The following NUMA1 variants were observed in gnomAD, a reference collection of about 807,000 sequenced individuals.
NUMA1 encodes the protein nuclear mitotic apparatus protein 1.
A neutral mutation model predicts 237.1 loss-of-function variants in NUMA1; 62 were observed. The observed-to-expected ratio is 0.26, with a 90% confidence interval of 0.21 to 0.32. NUMA1 has a LOEUF of 0.32. NUMA1 is among the 10% of genes least tolerant of loss of function. NUMA1 has a pLI of 1.00. For synonymous variants in NUMA1, 1,028 were observed against 1,066.1 expected (o/e 0.96, Z 0.70); for missense variants, 2,533 against 2,666.5 (o/e 0.95, Z 1.10).
intron 2 of NUMA1, among the ~76,000 whole-genome samples, chr11:72,052,834 T>C (rs1305371246): frequency 6.6e-6 from 1 of 151,368 alleles, no homozygotes; most frequent in Non-Finnish European, 1.5e-5. Flanking sequence ...TAAGAAATTG[T>C]AGGTGATGAG....
intron 2 of NUMA1, among the ~76,000 whole-genome samples, chr11:72,051,707 C>T (rs1301074989): frequency 6.6e-6 from 1 of 152,114 alleles, no homozygotes; most frequent in African/African-American, 2.4e-5. Context: ...TGAGCTCAAG[C>T]GATCAGCCCA....
At chr11:72,031,992 GAGAGAA>G (rs1565248616) in intron 3 of NUMA1, among the ~76,000 whole-genome samples, 2 of 22,804 alleles carry the variant, frequency 8.8e-5, no homozygotes, top group Non-Finnish European at 4.5e-4. Context: ...AAAAAAAAGA[GAGAGAA>G]AGGAAAAATA....
At chr11:72,058,173 A>C (rs1942765447) in intron 2 of NUMA1, among the ~76,000 whole-genome samples, 1 of 152,242 alleles carries the variant, frequency 6.6e-6, no homozygotes, top group Non-Finnish European at 1.5e-5. Flanking sequence ...AAACCAGTGA[A>C]GCAATACAAA....
intron 2 of NUMA1, among the ~76,000 whole-genome samples, chr11:72,038,982 G>A (rs564607663): frequency 1.9e-4 from 29 of 152,234 alleles, no homozygotes; most frequent in Admixed American, 5.2e-4. Flanking sequence ...AAGCAGTTGC[G>A]TTATAAACTT....
At chr11:72,017,017 C>G in intron 13 of NUMA1, 1 of 158,278 alleles carries the variant, frequency 6.3e-6, no homozygotes, top group Admixed American at 6.2e-5. Context: ...GAGTCTCGCT[C>G]TATCGCCTAG....
rs1955372842 is a variant in NUMA1 at position 72,003,110 on chromosome 11, G to C, written c.*417C>G. ...TCAGACCCAGTCCTGGACTTCAAGA[G>C]TGAGGGCCCCTGCTGGGCCCAGCCA... is the stretch of plus-strand genomic sequence containing the variant. On this transcript the variant is annotated 3_prime_UTR_variant, in exon 27 of 27. Transcript: ENST00000393695. The C allele has an allele frequency of 3.8e-6, 1 of 266,262 alleles. No homozygotes were observed. The highest frequency in any genetic ancestry group is 7.3e-6 in the Non-Finnish European group (1 of 137,864). 16.5% of individuals were successfully genotyped at this position (266,262 alleles called of 1,614,324 possible).
chr11:72,076,416 G>C (rs1943710787), intron 1 of NUMA1, among the ~76,000 whole-genome samples: 1 of 152,080 alleles, frequency 6.6e-6, no homozygotes, highest in Non-Finnish European at 1.5e-5. Context: ...CTAGGAAGCA[G>C]ACATTAATAT....
chr11:72,033,942 G>A (rs1250724179), intron 3 of NUMA1, among the ~76,000 whole-genome samples: 1 of 152,024 alleles, frequency 6.6e-6, no homozygotes, highest in Non-Finnish European at 1.5e-5. Flanking sequence ...AACTTAGCAA[G>A]ACCCCATCTC....
rs1429662681 is a variant in NUMA1 at position 72,007,093 on chromosome 11, C to T, written c.5463+96G>A. On this transcript the variant is annotated intron_variant, in intron 21 of 26. Coordinates refer to ENST00000393695, the MANE Select transcript of NUMA1 (RefSeq NM_006185.4). ...CCCACTGTAACATGGACTGGCTGCT[C>T]ATCCCTCCCTGCTCCTGACTGAGTG... 5 of 1,448,432 alleles carry T rather than the reference C, an allele frequency of 3.5e-6. No individual in the cohort carries two copies. The African/African-American group carries it at 7.0e-5, about 20-fold the overall frequency. The allele number at this position is 1,448,432 out of a possible 1,614,324, so 89.7% of individuals were successfully genotyped here.
In NUMA1 at chr11:72,014,113, G is replaced by C. The variant is rs548173138; in HGVS notation, c.3390C>G (p.Ser1130Arg). The change falls in exon 15 of 27, where the codon AGC (serine) becomes AGG (arginine). Residue 1130 changes from serine to arginine, a missense_variant. Physicochemically the swap from Ser to Arg is moderately radical, Grantham distance 110 (BLOSUM62 -1). This residue lies in a region of NUMA1 where 1,414 missense variants were observed against 1,508.1 expected (regional missense o/e 0.94). Coordinates refer to ENST00000393695, the MANE Select transcript of NUMA1 (RefSeq NM_006185.4). The surrounding 1 kb of genome is among the most constrained non-coding windows in gnomAD (Gnocchi z 4.6). ...PKLEALRAEV[S>R]KLEQQCQKQQ... ...GCTTCTGGCATTGCTGTTCCAGCTT[G>C]CTCACCTCTGCCCGCAGTGCCTCCA... The C allele has an allele frequency of 6.2e-7, 1 of 1,611,728 alleles. No homozygotes were observed. Among genetic ancestry groups the C allele is most frequent in the East Asian group, 2.2e-5 (1 of 44,874 alleles).
Position 72,015,620 on chromosome 11 carries a change from T to A in NUMA1, c.1883A>T (p.Asn628Ile). Residue 628 changes from asparagine (N) to isoleucine (I), a missense_variant, in exon 15 of 27, where the codon AAT becomes ATT. Around this residue, in one of 3 missense-constraint regions of NUMA1, gnomAD observed 1,414 missense variants for 1,508.1 expected, o/e 0.94. Transcript: ENST00000393695. The surrounding 1 kb of genome is among the most constrained non-coding windows in gnomAD (Gnocchi z 4.0). ...EILQQQLQVA[N>I]EARDSAQTSV... ...GGTCTGGGCACTGTCCCGGGCTTCA[T>A]TAGCCACCTGAAGTTGCTGCTGCAG... 6.2e-7 allele frequency: 1 copy of A among 1,613,786 alleles called. No homozygotes were observed. Among genetic ancestry groups the A allele is most frequent in the Non-Finnish European group, 8.5e-7 (1 of 1,180,030 alleles).
chr11:72,022,523 T>C, intron 6 of NUMA1, 104 bp from the exon 7 acceptor site: 1 of 714,304 alleles, frequency 1.4e-6, no homozygotes, highest in Non-Finnish European at 2.4e-6. Flanking sequence ...GTGACTCTTC[T>C]AAAAGTCCTG....
intron 2 of NUMA1, among the ~76,000 whole-genome samples, chr11:72,056,128 G>A (rs932465544): frequency 1.3e-5 from 2 of 151,954 alleles, no homozygotes; most frequent in South Asian, 2.1e-4. Flanking sequence ...CAGCCTGGGT[G>A]ACAGAGTGAG....
At chr11:72,037,047 T>C (rs944570256) in intron 2 of NUMA1, among the ~76,000 whole-genome samples, 4 of 152,152 alleles carry the variant, frequency 2.6e-5, no homozygotes, top group Non-Finnish European at 5.9e-5. Context: ...TGTATGCAAG[T>C]TGGGGATAAA....
At chr11:72,007,116 G>C (rs1001584822) in intron 21 of NUMA1, 73 bp downstream of exon 21, 1 of 1,553,992 alleles carries the variant, frequency 6.4e-7, no homozygotes, top group Non-Finnish European at 8.7e-7. Flanking sequence ...TCCTGACTGA[G>C]TGCCCAGTGC....
Position 72,015,375 on chromosome 11 carries a change from A to G in NUMA1, c.2128T>C (p.Ser710Pro). Residue 710 changes from serine to proline, a missense_variant, in exon 15 of 27, where the codon TCC becomes CCC. By Grantham distance (74) the Ser-to-Pro change is moderately conservative (BLOSUM62 -1). This residue lies in a region of NUMA1 where 1,414 missense variants were observed against 1,508.1 expected (regional missense o/e 0.94). Coordinates refer to ENST00000393695, the MANE Select transcript of NUMA1 (RefSeq NM_006185.4). This position sits in a 1 kb window ranked among gnomAD's most constrained non-coding sequence, Gnocchi z 4.0. ...AGGCTGCCCTTGGTGACCTTCAAGG[A>G]CTCTTTGAGGGCCTGGAGCTGCTCC... ...LQEQLQALKE[S>P]LKVTKGSLEE... 1 of 1,612,164 alleles carries G rather than the reference A, an allele frequency of 6.2e-7. No homozygotes were observed. The highest frequency in any genetic ancestry group is 8.5e-7 in the Non-Finnish European group (1 of 1,179,926).
chr11:72,044,255 A>T (rs993739424), intron 2 of NUMA1, among the ~76,000 whole-genome samples: 7 of 152,228 alleles, frequency 4.6e-5, no homozygotes, highest in African/African-American at 1.7e-4. Flanking sequence ...ACAAGAATAA[A>T]GACACCTGTT....
In NUMA1 at chr11:72,015,171, G is replaced by A; in HGVS notation, c.2332C>T (p.His778Tyr). 2 of 1,613,452 alleles carry A rather than the reference G, an allele frequency of 1.2e-6. No individual in the cohort carries two copies. The highest frequency in any genetic ancestry group is 1.7e-6 in the Non-Finnish European group (2 of 1,180,046). ...CGCAGGACTTCAGTCTCAGCCTGATGGGCCTCCCCAAGCTGCTGTAATCGA... is the reference window on the plus strand; with the variant it reads ...CGCAGGACTTCAGTCTCAGCCTGATAGGCCTCCCCAAGCTGCTGTAATCGA... ...EARLQQLGEAHQAETEVLRRE... is the reference protein window; with the variant it reads ...EARLQQLGEAYQAETEVLRRE... Residue 778 changes from histidine to tyrosine, a missense_variant, in exon 15 of 27, where the codon CAT becomes TAT. Transcript: ENST00000393695. The surrounding 1 kb of genome is among the most constrained non-coding windows in gnomAD (Gnocchi z 4.0).
intron 20 of NUMA1, chr11:72,008,119 G>C: frequency 2.1e-6 from 1 of 479,302 alleles, no homozygotes; most frequent in South Asian, 1.5e-5. Context: ...GGACAAATCA[G>C]GTATAATTGT....
Sources: allele counts gnomAD v4.1 joint callset (sites outside exome capture counted in the v4.1 genomes callset), GRCh38; gene constraint gnomAD v4.1.1; regional missense constraint gnomAD v4.1.1; non-coding constraint Gnocchi (gnomAD v3.1); transcripts MANE v1.5; gene names NCBI Gene and HGNC (gene_info 2026-07-23, HGNC 2026-07-21).